Variants in FBN1 observed in about 807,000 individuals in gnomAD.
FBN1 encodes the protein fibrillin 1.
A neutral mutation model predicts 365.1 loss-of-function variants in FBN1; 29 were observed. The observed-to-expected ratio is 0.08, with a 90% CI of 0.06 to 0.11. FBN1 has a LOEUF of 0.11. FBN1 is among the 10% of genes least tolerant of loss of function. FBN1 has a pLI of 1.00. For missense variants in FBN1, 2,476 were observed against 3,703.2 expected (o/e 0.67, Z 8.60); for synonymous variants, 1,210 against 1,270.5 (o/e 0.95, Z 1.01).
intron 8 of FBN1, among the ~76,000 whole-genome samples, chr15:48,528,112 C>T (rs1004277159): frequency 6.6e-6 from 1 of 152,180 alleles, no homozygotes; most frequent in African/African-American, 2.4e-5. Context: ...ACAACACCTG[C>T]CAAAGATCGC....
At chr15:48,559,649 A>T (rs1005663080) in intron 6 of FBN1, among the ~76,000 whole-genome samples, 1 of 152,192 alleles carries the variant, frequency 6.6e-6, no homozygotes, top group Non-Finnish European at 1.5e-5. Context: ...AGTAAATGCT[A>T]AGGCTTGTTA....
At chr15:48,472,820 G>T in intron 34 of FBN1, 144 bp from the exon 35 acceptor site, 1 of 1,075,484 alleles carries the variant, frequency 9.3e-7, no homozygotes, top group South Asian at 1.3e-5. Flanking sequence ...TCTTTGGTAG[G>T]CTAACACTGA....
At chr15:48,435,710 A>ATG (rs374375788) in intron 53 of FBN1, among the ~76,000 whole-genome samples, 1 of 135,154 alleles carries the variant, frequency 7.4e-6, no homozygotes, top group Non-Finnish European at 1.6e-5. Flanking sequence ...GTGTATATAT[A>ATG]TGTGTGTATA....
chr15:48,524,478 G>T (rs1347955456), intron 9 of FBN1, among the ~76,000 whole-genome samples: 2 of 152,180 alleles, frequency 1.3e-5, no homozygotes, highest in African/African-American at 4.8e-5. Flanking sequence ...GGGGGTCTCT[G>T]TTGCTTACCA....
rs1034782200 is a variant in FBN1 at position 48,468,217 on chromosome 15, TA to T, written c.4583-116del. On this transcript the variant is annotated intron_variant, in intron 37 of 65. Transcript: ENST00000316623. ...CCGTAATTTACTTTTACTGAGAAACTAAAAAGTGCCCATGAACATTATACAC... is the reference window on the plus strand; with the variant it reads ...CCGTAATTTACTTTTACTGAGAAACTAAAAGTGCCCATGAACATTATACAC... 11 of 1,422,128 alleles carry T rather than the reference TA, an allele frequency of 7.7e-6. No homozygotes were observed. The African/African-American group carries it at 1.4e-4, about 18-fold the overall frequency. 88.1% of individuals were successfully genotyped at this position (1,422,128 alleles called of 1,614,324 possible).
intron 44 of FBN1, 148 bp downstream of exon 44, chr15:48,456,489 T>C: frequency 1.2e-6 from 1 of 824,484 alleles, no homozygotes; most frequent in South Asian, 1.5e-5. Flanking sequence ...TTGCATGAAA[T>C]TTCATGTTGT....
intron 9 of FBN1, among the ~76,000 whole-genome samples, chr15:48,523,043 C>T (rs1205044954): frequency 6.6e-6 from 1 of 152,170 alleles, no homozygotes; most frequent in Non-Finnish European, 1.5e-5. Flanking sequence ...AATTGAACTT[C>T]CTACATTCTA....
intron 2 of FBN1, among the ~76,000 whole-genome samples, chr15:48,619,286 A>AT (rs779857636): frequency 1.5e-4 from 23 of 151,580 alleles, no homozygotes; most frequent in African/African-American, 3.4e-4. Flanking sequence ...GCAGTTTGGG[A>AT]TTTTTTTTTA....
intron 60 of FBN1, among the ~76,000 whole-genome samples, chr15:48,424,271 G>T (rs2141225073): frequency 6.6e-6 from 1 of 152,310 alleles, no homozygotes. Flanking sequence ...TGCACAGGAA[G>T]GCCTCAGGCA....
chr15:48,585,448 A>G (rs2044428582), intron 6 of FBN1, among the ~76,000 whole-genome samples: 2 of 152,044 alleles, frequency 1.3e-5, no homozygotes, highest in Non-Finnish European at 2.9e-5. Flanking sequence ...TCAGTTATAA[A>G]TAACTACACT....
At chr15:48,572,081 A>G (rs907538855) in intron 6 of FBN1, among the ~76,000 whole-genome samples, 1 of 152,212 alleles carries the variant, frequency 6.6e-6, no homozygotes, top group Non-Finnish European at 1.5e-5. Flanking sequence ...TGAGCATATT[A>G]AACATTAATA....
intron 20 of FBN1, 141 bp downstream of exon 20, chr15:48,495,959 G>A (rs2043604687): frequency 9.8e-7 from 1 of 1,020,692 alleles, no homozygotes; most frequent in Non-Finnish European, 1.5e-6. Context: ...GTACATACTA[G>A]TGCCATGTAG....
chr15:48,534,231 A>G lies in FBN1; in HGVS notation c.737-26T>C, dbSNP rs575688251. 3.1e-5 allele frequency: 27 copies of G among 882,720 alleles called. No individual in the cohort carries two copies. The African/African-American group carries it at 3.3e-4, about 11-fold the overall frequency. The allele number at this position is 882,720 out of a possible 1,614,324, so 54.7% of individuals were successfully genotyped here. ...CTGTCAGATTACAGAAGACAGAGAGAAAAAAAAAAAACTCATATGAAATTC... is the reference window on the plus strand; with the variant it reads ...CTGTCAGATTACAGAAGACAGAGAGGAAAAAAAAAAACTCATATGAAATTC... On this transcript the variant is annotated intron_variant, in intron 7 of 65. Coordinates refer to ENST00000316623, the MANE Select transcript of FBN1 (RefSeq NM_000138.5).
rs1208791838 is a variant in FBN1 at position 48,410,774 on chromosome 15, C to T, written c.*216G>A. 26 of 551,134 alleles carry T rather than the reference C, an allele frequency of 4.7e-5. No individual in the cohort carries two copies. Among genetic ancestry groups the T allele is most frequent in the Non-Finnish European group, 7.0e-5 (22 of 314,656 alleles). The allele number at this position is 551,134 out of a possible 1,614,324, so 34.1% of individuals were successfully genotyped here. A position where few individuals can be genotyped will look rare whatever the true frequency, so the allele number is the denominator to read the frequency against. Reference sequence around the variant, plus strand: ...AGAATCAACACATATGACAAGGTAGCTTAGCTACACACATGAGAAGCCTGA... The same window carrying T: ...AGAATCAACACATATGACAAGGTAGTTTAGCTACACACATGAGAAGCCTGA... On this transcript the variant is annotated 3_prime_UTR_variant, in exon 66 of 66. Coordinates refer to ENST00000316623, the MANE Select transcript of FBN1 (RefSeq NM_000138.5).
intron 6 of FBN1, among the ~76,000 whole-genome samples, chr15:48,557,045 A>G (rs1340224108): frequency 6.6e-6 from 1 of 152,128 alleles, no homozygotes; most frequent in Non-Finnish European, 1.5e-5. Flanking sequence ...TGGTACCTGA[A>G]CCCAAGATTG....
intron 6 of FBN1, among the ~76,000 whole-genome samples, chr15:48,565,691 T>C (rs1173864297): frequency 6.6e-6 from 1 of 151,672 alleles, no homozygotes; most frequent in African/African-American, 2.4e-5. Context: ...AACTCCTATA[T>C]ATTTTGTAGA....
At chr15:48,499,816 C>T (rs998374569) in intron 17 of FBN1, among the ~76,000 whole-genome samples, 4 of 152,172 alleles carry the variant, frequency 2.6e-5, no homozygotes, top group African/African-American at 7.2e-5. Context: ...AAACTAGTGT[C>T]CCCTTAAGTT....
At chr15:48,523,711 G>GA (rs2043881072) in intron 9 of FBN1, among the ~76,000 whole-genome samples, 1 of 62,464 alleles carries the variant, frequency 1.6e-5, no homozygotes, top group African/African-American at 1.1e-4. Context: ...AAGGGTGGCT[G>GA]GGGGGGGGGG....
At chr15:48,457,285 A>C (rs774726180) in intron 43 of FBN1, among the ~76,000 whole-genome samples, 4 of 152,214 alleles carry the variant, frequency 2.6e-5, no homozygotes, top group Non-Finnish European at 4.4e-5. Context: ...TGGGGCTGAC[A>C]ATAAAAACGA....
Sources: gnomAD v4.1 joint callset for allele counts (sites outside exome capture counted in the v4.1 genomes callset) on GRCh38, gnomAD v4.1.1 for gene constraint, MANE v1.5 for transcripts, NCBI Gene and HGNC (gene_info 2026-07-23, HGNC 2026-07-21) for gene names.